MGAT1: variants seen among roughly 807,000 people sequenced by gnomAD.
The protein encoded by MGAT1 is alpha-1,3-mannosyl-glycoprotein 2-beta-N-acetylglucosaminyltransferase, also known as N-glycosyl-oligosaccharide-glycoprotein N-acetylglucosaminyltransferase I.
MGAT1 carries 14 observed loss-of-function variants against 31.7 expected under a neutral mutation model. The observed-to-expected ratio is 0.44, with a 90% CI of 0.29 to 0.69. The LOEUF is 0.69. Among genes scored for constraint, MGAT1 ranks in the 30% least tolerant of loss-of-function variants. MGAT1 has a pLI of 0.12. For missense variants in MGAT1, 557 were observed against 626.0 expected, an observed-to-expected ratio of 0.89 and a Z score of 1.18; for synonymous variants, 338 against 276.0, an observed-to-expected ratio of 1.22 and a Z score of -2.23.
At chr5:180,814,388 C>T (rs1056684566) in intron 1 of MGAT1, among the ~76,000 whole-genome samples, 17 of 152,228 alleles carry the variant, frequency 1.1e-4, no homozygotes, top group Non-Finnish European at 2.9e-5. Flanking sequence ...ACACACTTCT[C>T]TTGACTCCCA....
rs1767622708 is a variant in MGAT1 at position 180,787,158 on chromosome 5, A to T, written c.*4476T>A. 6.6e-6 allele frequency: 1 copy of T among 152,440 alleles called. No individual in the cohort carries two copies. Among genetic ancestry groups the T allele is most frequent in the Admixed American group, 6.5e-5 (1 of 15,292 alleles). 9.4% of individuals were successfully genotyped at this position (152,440 alleles called of 1,614,324 possible). Reference sequence around the variant, plus strand: ...CACAGGAAGAGGCTCTGGCAGGAAGAACAGCTGGACCCGAGTCAGACACGC... The same window carrying T: ...CACAGGAAGAGGCTCTGGCAGGAAGTACAGCTGGACCCGAGTCAGACACGC... On this transcript the variant is annotated 3_prime_UTR_variant, in exon 2 of 2. Transcript: ENST00000307826.
chr5:180,810,580 C>A (rs1772468850), intron 1 of MGAT1: 1 of 152,274 alleles, frequency 6.6e-6, no homozygotes, highest in African/African-American at 2.4e-5. Flanking sequence ...GAAGTAGGGG[C>A]GGAACCTGTG....
chr5:180,792,224 C>G lies in MGAT1; in HGVS notation c.748G>C (p.Val250Leu). ...AGCAGCTCAGGCCTGCTGGCGTCCA[C>G]CATCTGCTCCTTGCCGTTGTCATTC... ...AWNDNGKEQM[V>L]DASRPELLYR... The change falls in exon 2 of 2, where the codon GTG becomes CTG. Residue 250 changes from valine (V) to leucine (L), a missense_variant. Physicochemically the swap from Val to Leu is conservative, Grantham distance 32 (BLOSUM62 1). This residue lies in a region of MGAT1 where 245 missense variants were observed against 332.9 expected (regional missense o/e 0.74). Transcript: ENST00000307826. 6.2e-7 allele frequency: 1 copy of G among 1,613,170 alleles called. No individual in the cohort carries two copies. Among genetic ancestry groups the G allele is most frequent in the Non-Finnish European group, 8.5e-7 (1 of 1,180,016 alleles).
chr5:180,799,024 T>C (rs1333185068), intron 1 of MGAT1, among the ~76,000 whole-genome samples: 1 of 152,210 alleles, frequency 6.6e-6, no homozygotes. Context: ...ACTCTTGATG[T>C]AGTTTCCCAG....
intron 1 of MGAT1, among the ~76,000 whole-genome samples, chr5:180,798,286 T>C (rs1189813935): frequency 6.6e-6 from 1 of 152,216 alleles, no homozygotes; most frequent in African/African-American, 2.4e-5. Context: ...TCCCGTCTGG[T>C]ACCCCAACAG....
At position 180,785,416 on chromosome 5, in the gene MGAT1, C is replaced by T. The variant is rs1433911399; in HGVS notation, c.*6218G>A. ...TCGGCTGGGCAGTAGTTGCTTAGGG[C>T]ATCCCATGTGGTTGTGTTAGATGCT... On this transcript the variant is annotated 3_prime_UTR_variant, in exon 2 of 2. Coordinates refer to ENST00000307826, the MANE Select transcript of MGAT1 (RefSeq NM_002406.4). The T allele has an allele frequency of 6.6e-6, 1 of 152,264 alleles. No individual in the cohort carries two copies. Among genetic ancestry groups the T allele is most frequent in the Non-Finnish European group, 1.5e-5 (1 of 68,060 alleles). 9.4% of individuals were successfully genotyped at this position (152,264 alleles called of 1,614,324 possible). A position where few individuals can be genotyped will look rare whatever the true frequency, so the allele number is the denominator to read the frequency against.
chr5:180,797,448 G>A (rs911790771), intron 1 of MGAT1, among the ~76,000 whole-genome samples: 10 of 149,122 alleles, frequency 6.7e-5, no homozygotes, highest in African/African-American at 2.2e-4. Context: ...GGGCCCAGAG[G>A]GATAGCCCGT....
exon 2 of MGAT1, chr5:180,809,059 G>A (rs551526084): frequency 7.9e-5 from 12 of 152,186 alleles, no homozygotes; most frequent in Non-Finnish European, 1.6e-4. Flanking sequence ...GGCCCAGGAG[G>A]CAGATTTCTG....
chr5:180,793,150 GC>G, intron 1 of MGAT1, 53 bp from the exon 2 acceptor site: 3 of 741,416 alleles, frequency 4.0e-6, no homozygotes, highest in Non-Finnish European at 6.4e-6. Flanking sequence ...GTGGCTCCAT[GC>G]CCCACAGGTA....
intron 1 of MGAT1, chr5:180,811,062 C>T (rs1772526622): frequency 6.6e-6 from 1 of 152,262 alleles, no homozygotes; most frequent in Non-Finnish European, 1.5e-5. Context: ...GCGGTTTCCC[C>T]CTCACGCTGA....
chr5:180,805,833 T>A (rs1463391589), upstream of MGAT1, among the ~76,000 whole-genome samples: 3 of 151,994 alleles, frequency 2.0e-5, no homozygotes, highest in East Asian at 5.8e-4. Context: ...CTTGCCCCTC[T>A]CCCTCACCCC....
intron 1 of MGAT1, among the ~76,000 whole-genome samples, chr5:180,813,623 G>A (rs536130636): frequency 6.6e-6 from 1 of 152,318 alleles, no homozygotes; most frequent in East Asian, 1.9e-4. Context: ...TAGAGGACCA[G>A]CAGGTGGAGT....
chr5:180,791,420 A>C lies in MGAT1; in HGVS notation c.*214T>G, dbSNP rs1768058629. The C allele has an allele frequency of 3.1e-6, 2 of 653,850 alleles. No individual in the cohort carries two copies. The highest frequency in any genetic ancestry group is 5.2e-6 in the Non-Finnish European group (2 of 384,090). The allele number at this position is 653,850 out of a possible 1,614,324, so 40.5% of individuals were successfully genotyped here. A position where few individuals can be genotyped will look rare whatever the true frequency, so the allele number is the denominator to read the frequency against. ...AGTGGTTTCCTGCTTAATACCCCGC[A>C]ACATACCCTAGAATAGTTCCCCTGA... On this transcript the variant is annotated 3_prime_UTR_variant, in exon 2 of 2. Transcript: ENST00000307826.
At position 180,786,802 on chromosome 5, in the gene MGAT1, C is replaced by G. The variant is rs1038388339; in HGVS notation, c.*4832G>C. On this transcript the variant is annotated 3_prime_UTR_variant, in exon 2 of 2. Transcript: ENST00000307826. ...GCACCATCGACCTCTCATTTCCGTCCGGCGCTGGGATCCAGGCTTCCTGCT... is the reference window on the plus strand; with the variant it reads ...GCACCATCGACCTCTCATTTCCGTCGGGCGCTGGGATCCAGGCTTCCTGCT... 6.6e-6 allele frequency: 1 copy of G among 152,346 alleles called. No individual in the cohort carries two copies. Among genetic ancestry groups the G allele is most frequent in the South Asian group, 2.1e-4 (1 of 4,832 alleles). 9.4% of individuals were successfully genotyped at this position (152,346 alleles called of 1,614,324 possible).
chr5:180,810,889 AC>A (rs1772510010), intron 1 of MGAT1: 2 of 152,092 alleles, frequency 1.3e-5, no homozygotes, highest in Admixed American at 1.3e-4. Context: ...TGCTGTTGGT[AC>A]CTGCGGCCGG....
At position 180,789,520 on chromosome 5, in the gene MGAT1, C is replaced by G. The variant is rs527859743; in HGVS notation, c.*2114G>C. The G allele has an allele frequency of 5.9e-5, 9 of 152,362 alleles. No homozygotes were observed. Among genetic ancestry groups the G allele is most frequent in the African/African-American group, 2.2e-4 (9 of 41,570 alleles). 9.4% of individuals were successfully genotyped at this position (152,362 alleles called of 1,614,324 possible). On this transcript the variant is annotated 3_prime_UTR_variant, in exon 2 of 2. Transcript: ENST00000307826. ...CTGGTCTCAAACTCCTGAAGTGATC[C>G]ACCCGCCTCAGCCTCCCAAAGTACT... is the stretch of plus-strand genomic sequence containing the variant.
intron 1 of MGAT1, among the ~76,000 whole-genome samples, chr5:180,797,456 C>T (rs540755924): frequency 2.0e-4 from 31 of 151,552 alleles, no homozygotes; most frequent in African/African-American, 6.8e-4. Context: ...AGGGATAGCC[C>T]GTCCCTGACT....
rs762447087 is a variant in MGAT1 at position 180,792,456 on chromosome 5, C to T, written c.516G>A (p.Val172=). 1 of 1,612,432 alleles carries T rather than the reference C, an allele frequency of 6.2e-7. No individual in the cohort carries two copies. Among genetic ancestry groups the T allele is most frequent in the Non-Finnish European group, 8.5e-7 (1 of 1,179,518 alleles). Residue 172 remains valine, a synonymous_variant, in exon 2 of 2, where the codon GTG becomes GTA. Transcript: ENST00000307826. ...IRQPDLSSIA[V]PPDHRKFQGY... is the part of the protein sequence containing the mutation. Reference sequence around the variant, plus strand: ...CCTGGAACTTGCGGTGGTCCGGCGGCACCGCAATGCTGCTCAGGTCGGGCT... The same window carrying T: ...CCTGGAACTTGCGGTGGTCCGGCGGTACCGCAATGCTGCTCAGGTCGGGCT...
chr5:180,791,878 G>A lies in MGAT1; in HGVS notation c.1094C>T (p.Ala365Val). The change falls in exon 2 of 2, where the codon GCT (alanine) becomes GTT (valine). Residue 365 changes from alanine to valine, a missense_variant. This residue lies in a region of MGAT1 where 145 missense variants were observed against 143.2 expected (regional missense o/e 1.01). Transcript: ENST00000307826. ...CACTTTCTCCACCTGCAGCTGGGGAGCACCGTAGACGCGGGCGAGGAAATC... is the reference window on the plus strand; with the variant it reads ...CACTTTCTCCACCTGCAGCTGGGGAACACCGTAGACGCGGGCGAGGAAATC... ...DRDFLARVYG[A>V]PQLQVEKVRT... The A allele has an allele frequency of 2.5e-6, 4 of 1,614,226 alleles. No individual in the cohort carries two copies. The highest frequency in any genetic ancestry group is 3.4e-6 in the Non-Finnish European group (4 of 1,180,046).
Sources: gnomAD v4.1 joint callset for allele counts (sites outside exome capture counted in the v4.1 genomes callset) on GRCh38, gnomAD v4.1.1 for gene constraint, gnomAD v4.1.1 regional missense constraint, MANE v1.5 for transcripts, NCBI Gene and HGNC (gene_info 2026-07-23, HGNC 2026-07-21) for gene names.